PPP1R3A: variants seen among roughly 807,000 people sequenced by gnomAD.
The protein encoded by PPP1R3A is protein phosphatase 1 regulatory subunit 3A.
In PPP1R3A, 29 loss-of-function variants were observed where a neutral mutation model predicts 41.7. The observed-to-expected ratio is 0.70, with a 90% confidence interval of 0.52 to 0.95. PPP1R3A has a LOEUF of 0.95. Among genes scored for constraint, PPP1R3A ranks in the 40% least tolerant of loss-of-function variants. The pLI, the probability that PPP1R3A is intolerant of heterozygous loss-of-function variation, is 0.00. For synonymous variants in PPP1R3A, 485 were observed against 453.4 expected (o/e 1.07, Z -0.89); for missense variants, 1,352 against 1,292.4 (o/e 1.05, Z -0.71).
In PPP1R3A at chr7:113,918,729, T is replaced by C. The variant is rs1797384773; in HGVS notation, c.268A>G (p.Thr90Ala). The C allele has an allele frequency of 6.2e-7, 1 of 1,613,706 alleles. No homozygotes were observed. The highest frequency in any genetic ancestry group is 1.3e-5 in the African/African-American group (1 of 74,880). ...ATGTCCGTCCCTAAGTCAAAAGTGG[T>C]TGAAGCACTCGGTAATTCCCAGCAA... ...FDCWELPSAS[T>A]TFDLGTDIFH... Residue 90 changes from threonine (T) to alanine (A), a missense_variant, in exon 1 of 4, where the codon ACC becomes GCC. Coordinates refer to ENST00000284601, the MANE Select transcript of PPP1R3A (RefSeq NM_002711.4).
At position 113,879,190 on chromosome 7, in the gene PPP1R3A, A is replaced by C. The variant is rs1419645276; in HGVS notation, c.1902T>G (p.Val634=). The change falls in exon 4 of 4, where the codon GTT becomes GTG. Residue 634 remains valine, a synonymous_variant. Transcript: ENST00000284601. ...AATTAATCCCACCTGATTTTTCTTC[A>C]ACTTGGAAAAGATAATCATTCCTCA... ...NVLRNDYLFQ[V]EEKSGGINSE... The C allele has an allele frequency of 6.2e-7, 1 of 1,613,600 alleles. No individual in the cohort carries two copies. The highest frequency in any genetic ancestry group is 8.5e-7 in the Non-Finnish European group (1 of 1,179,774).
At chr7:113,887,393 G>C (rs965076032) in intron 1 of PPP1R3A, among the ~76,000 whole-genome samples, 23 of 151,822 alleles carry the variant, frequency 1.5e-4, no homozygotes, top group African/African-American at 5.6e-4. Context: ...ATATCTGTGT[G>C]TCATGAATTA....
Position 113,918,415 on chromosome 7 carries a change from C to A in PPP1R3A, c.582G>T (p.Leu194Phe). The change falls in exon 1 of 4, where the codon TTG (leucine) becomes TTT (phenylalanine). Residue 194 changes from leucine (L) to phenylalanine (F), a missense_variant. Coordinates refer to ENST00000284601, the MANE Select transcript of PPP1R3A (RefSeq NM_002711.4). ...TGCCATCTTTTTGATAAGGAGGAAC[C>A]AATACAATCTTAAAGGAGAACTGGT... ...ETDQFSFKIV[L>F]VPPYQKDGSK... 6.2e-7 allele frequency: 1 copy of A among 1,613,314 alleles called. No homozygotes were observed. Among genetic ancestry groups the A allele is most frequent in the Non-Finnish European group, 8.5e-7 (1 of 1,179,606 alleles).
At chr7:113,893,609 A>G (rs533527581) in intron 1 of PPP1R3A, among the ~76,000 whole-genome samples, 3 of 152,226 alleles carry the variant, frequency 2.0e-5, no homozygotes, top group Admixed American at 6.6e-5. Flanking sequence ...GTGACTATAA[A>G]CCATGGAAAA....
At chr7:113,883,408 A>G (rs539512006) in intron 1 of PPP1R3A, among the ~76,000 whole-genome samples, 46 of 152,128 alleles carry the variant, frequency 3.0e-4, no homozygotes, top group Non-Finnish European at 6.2e-4. Flanking sequence ...ATCATGAGAA[A>G]TTGAAAATTC....
chr7:113,882,327 A>C lies in PPP1R3A; in HGVS notation c.783-7T>G. On this transcript the variant is annotated splice_polypyrimidine_tract_variant and splice_region_variant and intron_variant, in intron 1 of 3. Transcript: ENST00000284601. ...TACTGATGATTCTTCTTTACTGTTAAATTTAAAAGAAAATGTTATATGTTT... is the reference window on the plus strand; with the variant it reads ...TACTGATGATTCTTCTTTACTGTTACATTTAAAAGAAAATGTTATATGTTT... 1 of 1,422,048 alleles carries C rather than the reference A, an allele frequency of 7.0e-7. No individual in the cohort carries two copies. The highest frequency in any genetic ancestry group is 9.9e-7 in the Non-Finnish European group (1 of 1,011,392). The allele number at this position is 1,422,048 out of a possible 1,614,324, so 88.1% of individuals were successfully genotyped here.
At chr7:113,884,339 G>A (rs1796744959) in intron 1 of PPP1R3A, among the ~76,000 whole-genome samples, 2 of 151,908 alleles carry the variant, frequency 1.3e-5, no homozygotes, top group Admixed American at 6.6e-5. Flanking sequence ...CAGGGAGGAG[G>A]AACTTTTTTT....
At chr7:113,909,145 T>C (rs1797198148) in intron 1 of PPP1R3A, among the ~76,000 whole-genome samples, 1 of 151,824 alleles carries the variant, frequency 6.6e-6, no homozygotes, top group Admixed American at 6.6e-5. Context: ...AAAATAAAAA[T>C]GTAAAAAAGA....
At chr7:113,908,596 C>G (rs778337138) in intron 1 of PPP1R3A, among the ~76,000 whole-genome samples, 4 of 151,792 alleles carry the variant, frequency 2.6e-5, no homozygotes, top group Non-Finnish European at 4.4e-5. Flanking sequence ...CTTTTTAAAA[C>G]AAAAGGATAC....
chr7:113,909,283 G>C (rs552219284), intron 1 of PPP1R3A, among the ~76,000 whole-genome samples: 1 of 152,028 alleles, frequency 6.6e-6, no homozygotes, highest in South Asian at 2.1e-4. Flanking sequence ...CTCATTATTT[G>C]TCCACAGTTT....
chr7:113,918,809 C>T lies in PPP1R3A; in HGVS notation c.188G>A (p.Arg63Lys), dbSNP rs1333366864. The change falls in exon 1 of 4, where the codon AGA becomes AAA. Residue 63 changes from arginine (R) to lysine (K), a missense_variant. Physicochemically the swap from Arg to Lys is conservative, Grantham distance 26. Transcript: ENST00000284601. ...YLDTPSSGTR[R>K]VSFADSFGFN... is the part of the protein sequence containing the mutation. ...TCCAAAGGAATCAGCAAATGAAACTCTTCTAGTACCTGAAGATGGGGTATC... is the reference window on the plus strand; with the variant it reads ...TCCAAAGGAATCAGCAAATGAAACTTTTCTAGTACCTGAAGATGGGGTATC... 6.2e-7 allele frequency: 1 copy of T among 1,613,794 alleles called. No individual in the cohort carries two copies. Among genetic ancestry groups the T allele is most frequent in the Admixed American group, 1.7e-5 (1 of 59,980 alleles).
At position 113,878,723 on chromosome 7, in the gene PPP1R3A, C is replaced by G. The variant is rs771507764; in HGVS notation, c.2369G>C (p.Arg790Pro). 6.2e-7 allele frequency: 1 copy of G among 1,613,372 alleles called. No homozygotes were observed. The highest frequency in any genetic ancestry group is 8.5e-7 in the Non-Finnish European group (1 of 1,179,632). ...NDDSHYTLCQ[R>P]DTVGVIYDND... ...GTCATAGATTACACCTACTGTATCT[C>G]GTTGACAAAGGGTATAATGTGAATC... The change falls in exon 4 of 4, where the codon CGA (arginine) becomes CCA (proline). Residue 790 changes from arginine (R) to proline (P), a missense_variant. Arg to Pro is a moderately radical substitution (Grantham distance 103). Coordinates refer to ENST00000284601, the MANE Select transcript of PPP1R3A (RefSeq NM_002711.4).
In PPP1R3A at chr7:113,878,898, T is replaced by C. The variant is rs759355225; in HGVS notation, c.2194A>G (p.Ile732Val). The change falls in exon 4 of 4, where the codon ATA becomes GTA. Residue 732 changes from isoleucine to valine, a missense_variant. Physicochemically the swap from Ile to Val is conservative, Grantham distance 29 (BLOSUM62 3). Transcript: ENST00000284601. ...TEKAEAGTAY[I>V]IKTTSESTPE... ...GTACTTTCTGATGTTGTCTTAATTA[T>C]ATAGGCTGTACCAGCTTCTGCTTTC... 1.9e-6 allele frequency: 3 copies of C among 1,613,036 alleles called. No individual in the cohort carries two copies. Among genetic ancestry groups the C allele is most frequent in the South Asian group, 1.1e-5 (1 of 91,086 alleles).
Position 113,879,828 on chromosome 7 carries a change from TATCTCCCAATG to T in PPP1R3A, c.1253_1263del (p.Ser418TyrfsTer2). The T allele has an allele frequency of 6.2e-7, 1 of 1,613,530 alleles. No individual in the cohort carries two copies. The highest frequency in any genetic ancestry group is 8.5e-7 in the Non-Finnish European group (1 of 1,179,668). On this transcript the variant is annotated frameshift_variant, in exon 4 of 4. Coordinates refer to ENST00000284601, the MANE Select transcript of PPP1R3A (RefSeq NM_002711.4). LOFTEE classifies it low-confidence loss of function (END_TRUNC). ...AATTGCACTAGTTCATCACTACTAGTATCTCCCAATGATGGCTTGATTTCTCCCATATTTGA... is the reference window on the plus strand; with the variant it reads ...AATTGCACTAGTTCATCACTACTAGTATGGCTTGATTTCTCCCATATTTGA...
At position 113,918,817 on chromosome 7, in the gene PPP1R3A, A is replaced by G. The variant is rs1797386361; in HGVS notation, c.180T>C (p.Gly60=). The G allele has an allele frequency of 2.5e-6, 4 of 1,613,862 alleles. No individual in the cohort carries two copies. Among genetic ancestry groups the G allele is most frequent in the Non-Finnish European group, 3.4e-6 (4 of 1,179,800 alleles). Residue 60 remains glycine, a synonymous_variant, in exon 1 of 4, where the codon GGT becomes GGC. Coordinates refer to ENST00000284601, the MANE Select transcript of PPP1R3A (RefSeq NM_002711.4). ...EDIYLDTPSS[G]TRRVSFADSF... Reference sequence around the variant, plus strand: ...AATCAGCAAATGAAACTCTTCTAGTACCTGAAGATGGGGTATCCAGGTATA... The same window carrying G: ...AATCAGCAAATGAAACTCTTCTAGTGCCTGAAGATGGGGTATCCAGGTATA...
intron 1 of PPP1R3A, among the ~76,000 whole-genome samples, chr7:113,911,923 C>T (rs1432370079): frequency 6.6e-6 from 1 of 152,068 alleles, no homozygotes; most frequent in African/African-American, 2.4e-5. Context: ...ATGTCAGCAA[C>T]TGGAATAGAT....
chr7:113,904,867 A>G (rs570102521), intron 1 of PPP1R3A, among the ~76,000 whole-genome samples: 1 of 151,788 alleles, frequency 6.6e-6, no homozygotes, highest in South Asian at 2.1e-4. Flanking sequence ...CAATCTCACA[A>G]TGTTTTCACT....
chr7:113,892,207 C>T (rs962643664), intron 1 of PPP1R3A, among the ~76,000 whole-genome samples: 1 of 151,988 alleles, frequency 6.6e-6, no homozygotes, highest in Non-Finnish European at 1.5e-5. Context: ...CTTCTCTCCA[C>T]AAAAGAAAGG....
At chr7:113,906,287 T>C (rs1419475759) in intron 1 of PPP1R3A, among the ~76,000 whole-genome samples, 1 of 151,862 alleles carries the variant, frequency 6.6e-6, no homozygotes, top group African/African-American at 2.4e-5. Context: ...GTTTTTAACA[T>C]ATGTAAATAT....
Sources: allele counts gnomAD v4.1 joint callset (sites outside exome capture counted in the v4.1 genomes callset), GRCh38; gene constraint gnomAD v4.1.1; transcripts MANE v1.5; gene names NCBI Gene and HGNC (gene_info 2026-07-23, HGNC 2026-07-21).